The following RFWD3 variants were observed in gnomAD, a reference collection of about 807,000 sequenced individuals.
RFWD3 encodes the protein ring finger and WD repeat domain 3.
In RFWD3, 65 loss-of-function variants were observed where a neutral mutation model predicts 87.7. That is an observed-to-expected ratio of 0.74 (90% confidence interval 0.61 to 0.91). The LOEUF is 0.91. Among genes scored for constraint, RFWD3 ranks in the 40% least tolerant of loss-of-function variants. The probability of loss-of-function intolerance (pLI) is 0.00; values close to 1 mark genes in which losing one functional copy is unlikely to be tolerated. For missense variants in RFWD3, 1,078 were observed against 938.5 expected (o/e 1.15, Z -1.94); for synonymous variants, 433 against 352.8 (o/e 1.23, Z -2.55).
At chr16:74,625,952 A>G (rs1958919356) in intron 12 of RFWD3, among the ~76,000 whole-genome samples, 1 of 152,148 alleles carries the variant, frequency 6.6e-6, no homozygotes, top group Non-Finnish European at 1.5e-5. Context: ...TTGGGAGGCC[A>G]AGGCCGGCAG....
In RFWD3 at chr16:74,623,901, C is replaced by T; in HGVS notation, c.*27G>A. On this transcript the variant is annotated 3_prime_UTR_variant, in exon 13 of 13. Coordinates refer to ENST00000361070, the MANE Select transcript of RFWD3 (RefSeq NM_018124.4). ...CTAGCAAACAACATCTAACCAGCAG[C>T]ATGCCTTCAAGGTTTCGAGACCACA... The T allele has an allele frequency of 6.2e-7, 1 of 1,612,514 alleles. No homozygotes were observed. The highest frequency in any genetic ancestry group is 8.5e-7 in the Non-Finnish European group (1 of 1,179,026).
At chr16:74,651,453 AC>A (rs1960559278) in intron 3 of RFWD3, among the ~76,000 whole-genome samples, 1 of 152,154 alleles carries the variant, frequency 6.6e-6, no homozygotes, top group Non-Finnish European at 1.5e-5. Context: ...CTCTGTCTCT[AC>A]AAAAAATTTA....
At chr16:74,631,063 A>T in intron 9 of RFWD3, 106 bp from the exon 10 acceptor site, 1 of 976,544 alleles carries the variant, frequency 1.0e-6, no homozygotes, top group Non-Finnish European at 1.5e-6. Context: ...CTGAGAACAC[A>T]CTCATACTCC....
chr16:74,648,546 G>A (rs1397110644), intron 4 of RFWD3, among the ~76,000 whole-genome samples: 1 of 151,022 alleles, frequency 6.6e-6, no homozygotes. Context: ...GCCGAGGTGG[G>A]TGGATCACAA....
At chr16:74,656,484 CT>C (rs890744411) in intron 2 of RFWD3, among the ~76,000 whole-genome samples, 2 of 150,874 alleles carry the variant, frequency 1.3e-5, no homozygotes, top group South Asian at 2.1e-4. Flanking sequence ...ATCCACCATT[CT>C]TTTTTTTTCT....
intron 4 of RFWD3, among the ~76,000 whole-genome samples, chr16:74,647,840 C>T (rs1239962446): frequency 6.6e-6 from 1 of 152,234 alleles, no homozygotes; most frequent in African/African-American, 2.4e-5. Flanking sequence ...GATCCGCCCG[C>T]CTTGGCCTCC....
intron 11 of RFWD3, 127 bp downstream of exon 11, chr16:74,628,325 G>T: frequency 1.2e-6 from 1 of 820,082 alleles, no homozygotes; most frequent in Admixed American, 2.4e-5. Flanking sequence ...AGTAGCAAGA[G>T]CTACAACACA....
chr16:74,630,344 C>T (rs1165053343), intron 10 of RFWD3, among the ~76,000 whole-genome samples: 5 of 152,120 alleles, frequency 3.3e-5, no homozygotes, highest in Non-Finnish European at 7.4e-5. Flanking sequence ...CTGATCTGTC[C>T]GCCTCGTCTT....
chr16:74,661,256 G>A lies in RFWD3; in HGVS notation c.194C>T (p.Ala65Val), dbSNP rs201539156. ...PAPAEVISSQ[A>V]TPPLLQPAPQ... ...AGCAGGCTGGAGCAGGGGTGGTGTC[G>A]CTTGGCTGCTGATCACCTCAGCAGG... Residue 65 changes from alanine to valine, a missense_variant, in exon 2 of 13, where the codon GCG (alanine) becomes GTG (valine). By Grantham distance (64) the Ala-to-Val change is moderately conservative. Transcript: ENST00000361070. The A allele has an allele frequency of 2.9e-5, 47 of 1,613,996 alleles. No individual in the cohort carries two copies. The highest frequency in any genetic ancestry group is 2.2e-4 in the Admixed American group (13 of 60,000).
At chr16:74,634,807 G>GA (rs200124008) in intron 8 of RFWD3, among the ~76,000 whole-genome samples, 10 of 144,308 alleles carry the variant, frequency 6.9e-5, no homozygotes, top group East Asian at 2.3e-4. Context: ...AGCCAGAGAG[G>GA]AAAAAAAAAG....
chr16:74,626,799 T>C (rs761443691), intron 11 of RFWD3, among the ~76,000 whole-genome samples: 1 of 129,632 alleles, frequency 7.7e-6, no homozygotes. Context: ...CAATAGCTTT[T>C]TGCTTAAGAG....
intron 9 of RFWD3, 132 bp downstream of exon 9, chr16:74,632,391 C>CA (rs1227773830): frequency 7.3e-6 from 8 of 1,102,072 alleles, no homozygotes; most frequent in Admixed American, 6.7e-5. Context: ...GACTCCATCT[C>CA]AAAAAAACAA....
rs373633204 is a variant in RFWD3, at chr16:74,642,922, G to C, written c.1079+1440C>G. On this transcript the variant is annotated intron_variant, in intron 6 of 12. Transcript: ENST00000361070. ...CTCTTCACTTTTTCTAATGAGGCTG[G>C]AGAGTATACTAATTCCTTATTGTAA... Among the ~76,000 whole-genome samples the C allele has an allele frequency of 2.9e-4, 44 of 152,296 alleles. No homozygotes were observed. In the East Asian group the frequency reaches 7.7e-3, roughly 27 times the overall value.
chr16:74,621,908 G>A lies in RFWD3; in HGVS notation c.*2020C>T, dbSNP rs1958781846. On this transcript the variant is annotated 3_prime_UTR_variant, in exon 13 of 13. Coordinates refer to ENST00000361070, the MANE Select transcript of RFWD3 (RefSeq NM_018124.4). The stretch of plus-strand genomic sequence containing the variant: ...GATGGGGTTTCACCATGTTGGTCAG[G>A]CTGGACAAGGCTTTTTTTCTTTGGA... 7 of 152,138 alleles carry A rather than the reference G, an allele frequency of 4.6e-5. No individual in the cohort carries two copies. The highest frequency in any genetic ancestry group is 4.6e-4 in the Admixed American group (7 of 15,270). 9.4% of individuals were successfully genotyped at this position (152,138 alleles called of 1,614,324 possible). A position where few individuals can be genotyped will look rare whatever the true frequency, so the allele number is the denominator to read the frequency against.
At chr16:74,635,006 C>T (rs1053126246) in intron 8 of RFWD3, among the ~76,000 whole-genome samples, 6 of 152,150 alleles carry the variant, frequency 3.9e-5, no homozygotes, top group Non-Finnish European at 5.9e-5. Flanking sequence ...CATAGCCGGG[C>T]GCGGTGGCTC....
rs758901430 is a variant in RFWD3, at chr16:74,661,396, T to A, written c.54A>T (p.Glu18Asp). 22 of 1,613,906 alleles carry A rather than the reference T, an allele frequency of 1.4e-5. No homozygotes were observed. The highest frequency in any genetic ancestry group is 1.9e-5 in the Non-Finnish European group (22 of 1,179,988). The change falls in exon 2 of 13, where the codon GAA becomes GAT. Residue 18 changes from glutamate (E) to aspartate (D), a missense_variant. By Grantham distance (45) the Glu-to-Asp change is conservative. Transcript: ENST00000361070. ...YDVQVQLNHA[E>D]QQPAPAGMAS... ...CCATGCCAGCAGGAGCTGGCTGTTGTTCGGCATGATTTAACTGCACCTGAA... is the reference window on the plus strand; with the variant it reads ...CCATGCCAGCAGGAGCTGGCTGTTGATCGGCATGATTTAACTGCACCTGAA...
intron 6 of RFWD3, among the ~76,000 whole-genome samples, chr16:74,642,247 C>T (rs540737189): frequency 3.3e-5 from 5 of 151,846 alleles, no homozygotes; most frequent in African/African-American, 4.8e-5. Flanking sequence ...CTCAGCCTCC[C>T]GAGTTGCTGG....
intron 6 of RFWD3, among the ~76,000 whole-genome samples, chr16:74,640,209 C>A (rs553214984): frequency 3.4e-5 from 5 of 148,596 alleles, no homozygotes; most frequent in Admixed American, 1.4e-4. Flanking sequence ...GTGGCGTGAT[C>A]TTGGCTCACT....
intron 1 of RFWD3, among the ~76,000 whole-genome samples, chr16:74,664,100 A>G (rs1483384751): frequency 1.3e-5 from 2 of 152,200 alleles, no homozygotes; most frequent in Non-Finnish European, 2.9e-5. Flanking sequence ...CAAACTGAAC[A>G]ATGTGAGATA....
Sources: gnomAD v4.1 joint callset for allele counts (sites outside exome capture counted in the v4.1 genomes callset) on GRCh38, gnomAD v4.1.1 for gene constraint, MANE v1.5 for transcripts, NCBI Gene and HGNC (gene_info 2026-07-23, HGNC 2026-07-21) for gene names.